GNPAT: variants seen among roughly 807,000 people sequenced by gnomAD.
GNPAT encodes the protein glyceronephosphate O-acyltransferase.
In GNPAT, 30 loss-of-function variants were observed where a neutral mutation model predicts 78.4. The observed-to-expected ratio is 0.38, with a 90% confidence interval of 0.29 to 0.52. The LOEUF is 0.52. Ranked by LOEUF, GNPAT falls within the 20% of genes least tolerant of loss-of-function variation. GNPAT has a pLI of 0.84. For missense variants in GNPAT, 714 were observed against 812.2 expected (o/e 0.88, Z 1.47); for synonymous variants, 271 against 281.1 (o/e 0.96, Z 0.36).
intron 9 of GNPAT, among the ~76,000 whole-genome samples, chr1:231,269,276 T>G (rs1343695677): frequency 1.3e-5 from 2 of 152,122 alleles, no homozygotes; most frequent in African/African-American, 4.8e-5. Context: ...GAGAGGATCC[T>G]CGCCAAGGCA....
Position 231,266,292 on chromosome 1 carries a change from A to C in GNPAT, c.940A>C (p.Arg314=). The change falls in exon 8 of 16, where the codon AGA becomes CGA. Residue 314 remains arginine (R), a synonymous_variant. Transcript: ENST00000366647. ...KESTTGLLKA[R]KILSENFGSI... ...GTACTATTAGGGGTTGCTGAAAGCC[A>C]GAAAGATTCTCTCTGAAAATTTTGG... 1 of 1,614,170 alleles carries C rather than the reference A, an allele frequency of 6.2e-7. No homozygotes were observed. Among genetic ancestry groups the C allele is most frequent in the Non-Finnish European group, 8.5e-7 (1 of 1,180,004 alleles).
intron 3 of GNPAT, 141 bp downstream of exon 3, chr1:231,260,824 C>CTAA: frequency 1.5e-6 from 1 of 655,560 alleles, no homozygotes. Flanking sequence ...AGCCTAGGGC[C>CTAA]TAATCATCAG....
chr1:231,261,543 G>A (rs1685225790), intron 3 of GNPAT, among the ~76,000 whole-genome samples: 1 of 151,590 alleles, frequency 6.6e-6, no homozygotes, highest in Non-Finnish European at 1.5e-5. Flanking sequence ...GTTGGTTATC[G>A]TTATGACTGC....
At position 231,250,868 on chromosome 1, in the gene GNPAT, T is replaced by A. The variant is rs1684876849; in HGVS notation, c.79-93T>A. 7.2e-6 allele frequency: 6 copies of A among 828,334 alleles called. No homozygotes were observed. The Admixed American group carries it at 8.9e-5, about 12-fold the overall frequency. The allele number at this position is 828,334 out of a possible 1,614,324, so 51.3% of individuals were successfully genotyped here. A position where few individuals can be genotyped will look rare whatever the true frequency, so the allele number is the denominator to read the frequency against. ...CTCCTGTTCACGTCATAGAGTAATA[T>A]TTTGTCAAAGATGAAACCTTACCAA... On this transcript the variant is annotated intron_variant, in intron 1 of 15. Transcript: ENST00000366647.
rs138413335 is a variant in GNPAT at position 231,266,114 on chromosome 1, T to G, written c.873T>G (p.Thr291=). ...SISYDKILEE[T]LYVYELLGVP... ...GTTATGATAAGATCTTGGAAGAAAC[T>G]CTTTATGTGTATGAGCTTCTAGGGG... is the stretch of plus-strand genomic sequence containing the variant. The change falls in exon 7 of 16, where the codon ACT becomes ACG. Residue 291 remains threonine, a synonymous_variant. Transcript: ENST00000366647. 3 of 1,612,724 alleles carry G rather than the reference T, an allele frequency of 1.9e-6. No individual in the cohort carries two copies. Among genetic ancestry groups the G allele is most frequent in the Non-Finnish European group, 2.5e-6 (3 of 1,178,926 alleles).
intron 14 of GNPAT, among the ~76,000 whole-genome samples, chr1:231,275,722 G>A (rs968582959): frequency 1.3e-5 from 2 of 152,150 alleles, no homozygotes; most frequent in African/African-American, 4.8e-5. Context: ...AATAACTTTA[G>A]GCCAATATTT....
chr1:231,256,479 CTTTT>C lies in GNPAT; in HGVS notation c.262-4006_262-4003del, dbSNP rs10693276. The stretch of plus-strand genomic sequence containing the variant: ...CAGTCACTAAGACTGCTAATTTTCT[CTTTT>C]TTTTTTTTTTTTTTTTTTTTTGAGA... On this transcript the variant is annotated intron_variant, in intron 2 of 15. Coordinates refer to ENST00000366647, the MANE Select transcript of GNPAT (RefSeq NM_014236.4). Among the ~76,000 whole-genome samples the C allele has an allele frequency of 7.2e-3, 548 of 75,886 alleles. 7 individuals are homozygous for C. The highest frequency in any genetic ancestry group is 0.044 in the East Asian group (97 of 2,222). The allele number at this position is 75,886 out of a possible 152,430, so 49.8% of individuals were successfully genotyped here. A position where few individuals can be genotyped will look rare whatever the true frequency, so the allele number is the denominator to read the frequency against.
In GNPAT at chr1:231,272,385, A is replaced by G. The variant is rs201925498; in HGVS notation, c.1596A>G (p.Thr532=). ...ADEFIFLPGN[T]LKDFEEGCYL... ...AGTTCATCTTCCTTCCAGGAAACAC[A>G]CTAAAGGTAAAGTGCTTACAACAAA... Residue 532 remains threonine (T), a synonymous_variant, in exon 11 of 16, where the codon ACA becomes ACG. Transcript: ENST00000366647. 7.8e-6 allele frequency: 12 copies of G among 1,547,866 alleles called. No homozygotes were observed. The highest frequency in any genetic ancestry group is 1.1e-5 in the Non-Finnish European group (12 of 1,120,600).
At chr1:231,271,348 A>AGGT (rs1290656815) in intron 10 of GNPAT, among the ~76,000 whole-genome samples, 2 of 152,242 alleles carry the variant, frequency 1.3e-5, no homozygotes, top group Non-Finnish European at 2.9e-5. Flanking sequence ...CAGCAAAGGC[A>AGGT]GGTGGGCAGA....
At chr1:231,270,206 A>AG in intron 9 of GNPAT, 1 of 162,260 alleles carries the variant, frequency 6.2e-6, no homozygotes, top group Non-Finnish European at 1.4e-5. Context: ...GTCAGGTGAT[A>AG]AGCTACCAAC....
At chr1:231,244,705 G>A (rs1684703103) in intron 1 of GNPAT, among the ~76,000 whole-genome samples, 1 of 152,156 alleles carries the variant, frequency 6.6e-6, no homozygotes, top group Admixed American at 6.5e-5. Context: ...TTAGAAATAT[G>A]GTGCCAGAGC....
intron 4 of GNPAT, among the ~76,000 whole-genome samples, chr1:231,263,973 A>T (rs891518771): frequency 6.6e-6 from 1 of 152,176 alleles, no homozygotes; most frequent in Non-Finnish European, 1.5e-5. Flanking sequence ...AATTGTTTCT[A>T]CATCCTGGAT....
intron 1 of GNPAT, among the ~76,000 whole-genome samples, chr1:231,249,426 A>G (rs988883758): frequency 3.9e-5 from 6 of 152,106 alleles, no homozygotes; most frequent in African/African-American, 1.2e-4. Flanking sequence ...AACATTCTGT[A>G]TTTTCTTCTA....
chr1:231,258,268 C>T (rs1229290106), intron 2 of GNPAT: 1 of 152,314 alleles, frequency 6.6e-6, no homozygotes, highest in Non-Finnish European at 1.5e-5. Flanking sequence ...CTCACCTTCT[C>T]TGTTCCTATA....
intron 11 of GNPAT, among the ~76,000 whole-genome samples, chr1:231,273,606 T>C (rs1453501265): frequency 3.3e-5 from 5 of 152,196 alleles, no homozygotes; most frequent in Non-Finnish European, 7.3e-5. Context: ...GCTGTATGTA[T>C]TTCCTATTTA....
chr1:231,257,402 A>C (rs1290420842), intron 2 of GNPAT, among the ~76,000 whole-genome samples: 1 of 152,078 alleles, frequency 6.6e-6, no homozygotes, highest in Non-Finnish European at 1.5e-5. Flanking sequence ...AGATTGCTGA[A>C]GCTTATCTAG....
intron 1 of GNPAT, 86 bp from the exon 2 acceptor site, chr1:231,250,875 A>G: frequency 1.1e-6 from 1 of 883,056 alleles, no homozygotes; most frequent in Non-Finnish European, 1.9e-6. Flanking sequence ...ATATTTTGTC[A>G]AAGATGAAAC....
intron 12 of GNPAT, among the ~76,000 whole-genome samples, chr1:231,274,359 C>T (rs1685651988): frequency 1.3e-5 from 2 of 152,188 alleles, no homozygotes; most frequent in South Asian, 4.1e-4. Flanking sequence ...TACTGTGTCT[C>T]ATGTCTTAAT....
chr1:231,259,386 G>A (rs187884555), intron 2 of GNPAT, among the ~76,000 whole-genome samples: 69 of 152,192 alleles, frequency 4.5e-4, no homozygotes, highest in African/African-American at 1.1e-3. Context: ...GGTGGCTCAC[G>A]CCTGTAATCC....
Sources: allele counts gnomAD v4.1 joint callset (sites outside exome capture counted in the v4.1 genomes callset), GRCh38; gene constraint gnomAD v4.1.1; transcripts MANE v1.5; gene names NCBI Gene and HGNC (gene_info 2026-07-23, HGNC 2026-07-21).